Variants in HDAC9 observed in about 807,000 individuals in gnomAD.
HDAC9 encodes MEF-2 interacting transcription repressor (MITR) protein.
In HDAC9, 41 loss-of-function variants were observed where a neutral mutation model predicts 139.4. That is an observed-to-expected ratio of 0.29 (90% confidence interval 0.23 to 0.38). HDAC9 has a LOEUF of 0.38. HDAC9 is among the 10% of genes least tolerant of loss of function. HDAC9 has a pLI of 1.00. For missense variants in HDAC9, 1,147 were observed against 1,297.0 expected, an observed-to-expected ratio of 0.88 and a Z score of 1.78; for synonymous variants, 517 against 476.2, an observed-to-expected ratio of 1.09 and a Z score of -1.12.
chr7:18,132,983 T>C (rs578111008), intron 1 of HDAC9, among the ~76,000 whole-genome samples: 1 of 152,272 alleles, frequency 6.6e-6, no homozygotes, highest in Non-Finnish European at 1.5e-5. Context: ...GGCTGTGAAC[T>C]TTGGGCCCTG....
At chr7:18,282,934 G>A (rs150102071) in intron 2 of HDAC9, among the ~76,000 whole-genome samples, 2 of 119,856 alleles carry the variant, frequency 1.7e-5, no homozygotes, top group African/African-American at 6.1e-5. Context: ...AATAGGGTAT[G>A]TGAAACTCTT....
rs560807035 is a variant in HDAC9 at position 18,762,365 on chromosome 7, G to A, written c.2164+88G>A. 6.8e-6 allele frequency: 10 copies of A among 1,460,606 alleles called. No homozygotes were observed. The South Asian group carries it at 1.1e-4, about 17-fold the overall frequency. The allele number at this position is 1,460,606 out of a possible 1,614,324, so 90.5% of individuals were successfully genotyped here. A position where few individuals can be genotyped will look rare whatever the true frequency, so the allele number is the denominator to read the frequency against. ...GGTGTCAGTTCAAAATACTTGGCAA[G>A]TAGTGCAACAAAAAATCAGTTTTTC... On this transcript the variant is annotated intron_variant, in intron 15 of 25. Coordinates refer to ENST00000686413, the MANE Select transcript of HDAC9 (RefSeq NM_178425.4).
At chr7:18,253,341 A>G (rs1337450448) in intron 2 of HDAC9, among the ~76,000 whole-genome samples, 1 of 92,376 alleles carries the variant, frequency 1.1e-5, no homozygotes, top group African/African-American at 4.5e-5. Flanking sequence ...TGTTTTCCAG[A>G]GTGGTCAAAC....
intron 1 of HDAC9, among the ~76,000 whole-genome samples, chr7:18,134,483 T>C (rs371573399): frequency 6.6e-5 from 10 of 152,272 alleles, no homozygotes; most frequent in East Asian, 5.8e-4. Context: ...ATACATAGTT[T>C]AGAAATTCTC....
chr7:18,533,646 C>T (rs1247430455), intron 2 of HDAC9, among the ~76,000 whole-genome samples: 5 of 151,890 alleles, frequency 3.3e-5, no homozygotes, highest in Non-Finnish European at 5.9e-5. Flanking sequence ...GTGTATCTTA[C>T]CTTATTCATT....
At chr7:18,363,236 C>G (rs922118740) in intron 1 of HDAC9, among the ~76,000 whole-genome samples, 2 of 151,874 alleles carry the variant, frequency 1.3e-5, no homozygotes, top group Admixed American at 6.6e-5. Flanking sequence ...ATATAATTTC[C>G]CTCCTTACTT....
intron 9 of HDAC9, among the ~76,000 whole-genome samples, chr7:18,645,496 T>G (rs767931583): frequency 1.3e-5 from 2 of 152,138 alleles, no homozygotes; most frequent in Non-Finnish European, 2.9e-5. Flanking sequence ...CTCTTTGCCT[T>G]AAAATTTCCT....
chr7:18,579,670 G>A (rs1322613911), intron 2 of HDAC9, among the ~76,000 whole-genome samples: 1 of 152,176 alleles, frequency 6.6e-6, no homozygotes, highest in Non-Finnish European at 1.5e-5. Context: ...TGTGGCCTCT[G>A]TAATTATGTA....
At chr7:18,952,994 T>C (rs1782905639) in intron 23 of HDAC9, among the ~76,000 whole-genome samples, 1 of 151,956 alleles carries the variant, frequency 6.6e-6, no homozygotes, top group South Asian at 2.1e-4. Flanking sequence ...AAAGGTGCTA[T>C]TGTTGTAGAT....
chr7:18,307,696 G>T (rs763366332), intron 1 of HDAC9, among the ~76,000 whole-genome samples: 1 of 152,010 alleles, frequency 6.6e-6, no homozygotes, highest in Non-Finnish European at 1.5e-5. Context: ...CCAGCTACTC[G>T]GGAGGCTGAG....
At chr7:18,134,063 C>G (rs930443760) in intron 1 of HDAC9, among the ~76,000 whole-genome samples, 1 of 151,624 alleles carries the variant, frequency 6.6e-6, no homozygotes, top group Non-Finnish European at 1.5e-5. Context: ...ATAATGTTCA[C>G]CCTCCTGGAA....
intron 1 of HDAC9, among the ~76,000 whole-genome samples, chr7:18,108,296 G>T (rs1195141168): frequency 6.6e-6 from 1 of 152,092 alleles, no homozygotes; most frequent in African/African-American, 2.4e-5. Flanking sequence ...AGGGAGTGTG[G>T]GGCAGTACCA....
chr7:18,966,515 CATG>C (rs909546851), intron 24 of HDAC9, among the ~76,000 whole-genome samples: 156 of 152,094 alleles, frequency 1.0e-3, no homozygotes, highest in African/African-American at 3.3e-3. Flanking sequence ...AGCCTGCCAC[CATG>C]ATGAAACCCT....
At chr7:18,806,081 T>C (rs180793557) in intron 17 of HDAC9, among the ~76,000 whole-genome samples, 61 of 152,166 alleles carry the variant, frequency 4.0e-4, no homozygotes, top group African/African-American at 1.4e-3. Context: ...CATCTAAAAA[T>C]GAGACTATTT....
At position 18,744,853 on chromosome 7, in the gene HDAC9, GT is replaced by G. The variant is rs1436734045; in HGVS notation, c.1910-4151del. On this transcript the variant is annotated intron_variant, in intron 13 of 25. Transcript: ENST00000686413. ...AAGAAATTTTAAGGATTTCTTGTAT[GT>G]AAAAAAATATATATATAATACGTAT... 3.9e-5 allele frequency among the ~76,000 whole-genome samples: 6 copies of G among 151,974 alleles called. No homozygotes were observed. The East Asian group carries it at 1.2e-3, about 29-fold the overall frequency.
chr7:18,562,534 A>T (rs1563288264), intron 2 of HDAC9, among the ~76,000 whole-genome samples: 1 of 152,166 alleles, frequency 6.6e-6, no homozygotes, highest in East Asian at 1.9e-4. Flanking sequence ...CCATTGAAAT[A>T]ACATTCTTGT....
At chr7:18,224,317 C>G (rs1186712732) in intron 2 of HDAC9, among the ~76,000 whole-genome samples, 1 of 152,124 alleles carries the variant, frequency 6.6e-6, no homozygotes, top group Non-Finnish European at 1.5e-5. Flanking sequence ...CTGTTGGTGA[C>G]TGAAAGTCCA....
At chr7:18,226,039 C>T (rs1793030744) in intron 2 of HDAC9, among the ~76,000 whole-genome samples, 1 of 152,054 alleles carries the variant, frequency 6.6e-6, no homozygotes, top group East Asian at 1.9e-4. Context: ...TTCCATCTTC[C>T]AAAATGCTAA....
intron 2 of HDAC9, among the ~76,000 whole-genome samples, chr7:18,258,396 T>G (rs1448612624): frequency 6.6e-6 from 1 of 152,192 alleles, no homozygotes; most frequent in African/African-American, 2.4e-5. Flanking sequence ...TACTGTTCTT[T>G]AGTGGTGATT....
Sources: allele counts gnomAD v4.1 joint callset (sites outside exome capture counted in the v4.1 genomes callset), GRCh38; gene constraint gnomAD v4.1.1; transcripts MANE v1.5; gene names NCBI Gene and HGNC (gene_info 2026-07-23, HGNC 2026-07-21).